The following IQGAP1 variants were observed in gnomAD, a reference collection of about 807,000 sequenced individuals.
The protein encoded by IQGAP1 is ras GTPase-activating-like protein IQGAP1.
A neutral mutation model predicts 215.6 loss-of-function variants in IQGAP1; 66 were observed. The ratio of observed to expected loss-of-function variants is 0.31; its 90% CI spans 0.25 to 0.38. IQGAP1 has a LOEUF of 0.38. Ranked by LOEUF, IQGAP1 falls within the 10% of genes least tolerant of loss-of-function variation. IQGAP1 has a pLI of 1.00. For synonymous variants in IQGAP1, 772 were observed against 728.7 expected, an observed-to-expected ratio of 1.06 and a Z score of -0.96; for missense variants, 1,712 against 1,997.1, an observed-to-expected ratio of 0.86 and a Z score of 2.72.
intron 15 of IQGAP1, among the ~76,000 whole-genome samples, chr15:90,461,482 T>A (rs1266179036): frequency 6.6e-6 from 1 of 152,252 alleles, no homozygotes; most frequent in Non-Finnish European, 1.5e-5. Context: ...TCGTGAGTAG[T>A]ACAGTCTGAA....
chr15:90,492,462 C>T, intron 34 of IQGAP1, 83 bp from the exon 35 acceptor site: 1 of 886,002 alleles, frequency 1.1e-6, no homozygotes, highest in Non-Finnish European at 1.6e-6. Flanking sequence ...ATATTTAAGG[C>T]AGAGTTAAGC....
intron 15 of IQGAP1, among the ~76,000 whole-genome samples, chr15:90,456,940 G>GTA (rs1431150289): frequency 9.5e-6 from 1 of 104,736 alleles, no homozygotes; most frequent in Non-Finnish European, 1.8e-5. Context: ...ATATATATAC[G>GTA]TATATATATA....
rs1226938489 is a variant in IQGAP1 at position 90,454,715 on chromosome 15, G to C, written c.1612+163G>C. 2.6e-5 allele frequency among the ~76,000 whole-genome samples: 4 copies of C among 152,182 alleles called. No individual in the cohort carries two copies. The East Asian group carries it at 7.7e-4, about 29-fold the overall frequency. On this transcript the variant is annotated intron_variant, in intron 14 of 37. Transcript: ENST00000268182. Reference sequence around the variant, plus strand: ...GTTGGATATTGTTTTGAGAACACCAGGCAATTGCTATAATTAGGTATATGT... The same window carrying C: ...GTTGGATATTGTTTTGAGAACACCACGCAATTGCTATAATTAGGTATATGT...
intron 26 of IQGAP1, 61 bp downstream of exon 26, chr15:90,477,950 CCT>C (rs1340494919): frequency 9.3e-6 from 10 of 1,077,668 alleles, no homozygotes; most frequent in East Asian, 2.4e-5. Flanking sequence ...TCTTTTTTCC[CCT>C]CTCTTTATTT....
At chr15:90,459,194 C>T (rs1313987638) in intron 15 of IQGAP1, among the ~76,000 whole-genome samples, 5 of 152,100 alleles carry the variant, frequency 3.3e-5, no homozygotes, top group Non-Finnish European at 7.3e-5. Flanking sequence ...AGGTCAATCA[C>T]AATTAGAAAA....
intron 2 of IQGAP1, among the ~76,000 whole-genome samples, chr15:90,414,649 G>A (rs2151008864): frequency 6.6e-6 from 1 of 152,146 alleles, no homozygotes; most frequent in South Asian, 2.1e-4. Context: ...CCTCTTAAGT[G>A]TTGGTGTTCT....
At chr15:90,415,644 ATCTT>A (rs1235939112) in intron 2 of IQGAP1, among the ~76,000 whole-genome samples, 2 of 152,128 alleles carry the variant, frequency 1.3e-5, no homozygotes, top group Non-Finnish European at 2.9e-5. Context: ...GAGATTTCAC[ATCTT>A]TCCCACTGCC....
chr15:90,426,378 A>C, intron 3 of IQGAP1, 112 bp downstream of exon 3: 1 of 1,172,190 alleles, frequency 8.5e-7, no homozygotes. Context: ...TTGTTGCAAC[A>C]AATTATAGCC....
At chr15:90,435,873 T>A (rs1391505235) in intron 5 of IQGAP1, among the ~76,000 whole-genome samples, 1 of 152,210 alleles carries the variant, frequency 6.6e-6, no homozygotes, top group Non-Finnish European at 1.5e-5. Context: ...GTGTTTTTCC[T>A]GAAGGGTGGA....
At chr15:90,431,216 T>C (rs1373918007) in intron 4 of IQGAP1, 1 of 152,010 alleles carries the variant, frequency 6.6e-6, no homozygotes, top group Non-Finnish European at 1.5e-5. Context: ...TCCTCTTTTT[T>C]TCAGAGAAAG....
At chr15:90,485,045 C>T (rs545895860) in intron 30 of IQGAP1, among the ~76,000 whole-genome samples, 16 of 152,302 alleles carry the variant, frequency 1.1e-4, no homozygotes, top group Admixed American at 2.6e-4. Flanking sequence ...ATCTAGAATA[C>T]TAGCTTTCTC....
At chr15:90,488,360 A>T (rs745680114) in intron 33 of IQGAP1, among the ~76,000 whole-genome samples, 1 of 152,150 alleles carries the variant, frequency 6.6e-6, no homozygotes, top group Non-Finnish European at 1.5e-5. Context: ...TGCTGTGTAA[A>T]TAGTTGTTAC....
At chr15:90,441,336 C>T (rs1965446362) in intron 7 of IQGAP1, among the ~76,000 whole-genome samples, 170 bp from the exon 8 acceptor site, 1 of 152,136 alleles carries the variant, frequency 6.6e-6, no homozygotes, top group South Asian at 2.1e-4. Context: ...AGGCTAGGCT[C>T]ATAGCCTGGC....
chr15:90,473,805 T>G lies in IQGAP1; in HGVS notation c.2433+7T>G. 3.7e-6 allele frequency: 6 copies of G among 1,612,412 alleles called. No homozygotes were observed. Among genetic ancestry groups the G allele is most frequent in the Non-Finnish European group, 4.2e-6 (5 of 1,179,156 alleles). On this transcript the variant is annotated splice_region_variant and intron_variant, in intron 20 of 37. Transcript: ENST00000268182. ...CAAAGATGAAGTTGTAAAGGTATGG[T>G]AGCCTGAACAGGGTTTCTCCATGAG...
rs752194177 is a variant in IQGAP1, at chr15:90,454,455, G to C, written c.1515G>C (p.Lys505Asn). 4.5e-5 allele frequency: 72 copies of C among 1,613,378 alleles called. No individual in the cohort carries two copies. The African/African-American group carries it at 8.3e-4, about 19-fold the overall frequency. Residue 505 changes from lysine to asparagine, a missense_variant, in exon 14 of 38, where the codon AAG (lysine) becomes AAC (asparagine). Around this residue, in one of 2 missense-constraint regions of IQGAP1, gnomAD observed 1,021 missense variants for 1,074.2 expected, o/e 0.95. Coordinates refer to ENST00000268182, the MANE Select transcript of IQGAP1 (RefSeq NM_003870.4). ...QRYLDELMKL[K>N]AQAHAENNEF... The stretch of plus-strand genomic sequence containing the variant: ...ATCTCGATGAGTTGATGAAACTGAA[G>C]GCTCAGGCACATGCAGAGAATAATG...
chr15:90,457,188 A>G (rs987717602), intron 15 of IQGAP1, among the ~76,000 whole-genome samples: 1 of 151,806 alleles, frequency 6.6e-6, no homozygotes, highest in Non-Finnish European at 1.5e-5. Context: ...TTCTATTAAT[A>G]ACACCACAGT....
At chr15:90,408,778 T>C (rs1171717600) in intron 2 of IQGAP1, among the ~76,000 whole-genome samples, 4 of 152,156 alleles carry the variant, frequency 2.6e-5, no homozygotes, top group Non-Finnish European at 5.9e-5. Context: ...TTTAACATGC[T>C]ATCACTTAAA....
At chr15:90,489,896 G>A (rs1394104125) in intron 33 of IQGAP1, among the ~76,000 whole-genome samples, 1 of 152,072 alleles carries the variant, frequency 6.6e-6, no homozygotes, top group Non-Finnish European at 1.5e-5. Flanking sequence ...CCCATGAGTC[G>A]AGTCTTTTCA....
intron 4 of IQGAP1, among the ~76,000 whole-genome samples, chr15:90,431,855 T>C (rs1476330848): frequency 6.6e-6 from 1 of 152,222 alleles, no homozygotes; most frequent in Non-Finnish European, 1.5e-5. Flanking sequence ...TATAGAAAAT[T>C]CATGCAGTCA....
Sources: gnomAD v4.1 joint callset for allele counts (sites outside exome capture counted in the v4.1 genomes callset) on GRCh38, gnomAD v4.1.1 for gene constraint, gnomAD v4.1.1 regional missense constraint, MANE v1.5 for transcripts, NCBI Gene and HGNC (gene_info 2026-07-23, HGNC 2026-07-21) for gene names.